The following PLEKHA2 variants were observed in gnomAD, a reference collection of about 807,000 sequenced individuals.
PLEKHA2 encodes pleckstrin homology domain-containing family A member 2.
A neutral mutation model predicts 53.2 loss-of-function variants in PLEKHA2; 28 were observed. That is an observed-to-expected ratio of 0.53 (90% CI 0.39 to 0.72). The LOEUF is 0.72. Among genes scored for constraint, PLEKHA2 ranks in the 30% least tolerant of loss-of-function variants. The pLI, the probability that PLEKHA2 is intolerant of heterozygous loss-of-function variation, is 0.00. For missense variants in PLEKHA2, 426 were observed against 537.9 expected (o/e 0.79, Z 2.06); for synonymous variants, 193 against 196.4 (o/e 0.98, Z 0.14).
At chr8:38,914,022 C>G (rs1289037155) in intron 1 of PLEKHA2, among the ~76,000 whole-genome samples, 2 of 152,182 alleles carry the variant, frequency 1.3e-5, no homozygotes, top group African/African-American at 4.8e-5. Context: ...TGCAACACAT[C>G]CTTTTCTGCT....
At chr8:38,904,187 G>T (rs765169170) in intron 1 of PLEKHA2, among the ~76,000 whole-genome samples, 8 of 152,158 alleles carry the variant, frequency 5.3e-5, no homozygotes, top group Non-Finnish European at 1.0e-4. Flanking sequence ...AGACCCTACT[G>T]TTCCTTCTGA....
intron 1 of PLEKHA2, 34 bp from the exon 2 acceptor site, chr8:38,917,873 T>C: frequency 6.3e-7 from 1 of 1,590,244 alleles, no homozygotes; most frequent in Non-Finnish European, 8.6e-7. Context: ...CTGCTTCATC[T>C]TCCTTCTCAT....
chr8:38,933,936 CG>C (rs1834444296), intron 2 of PLEKHA2, among the ~76,000 whole-genome samples: 2 of 151,908 alleles, frequency 1.3e-5, no homozygotes. Flanking sequence ...AAGGGAAGAA[CG>C]TGAGTGCAGA....
chr8:38,969,570 G>A lies in PLEKHA2; in HGVS notation c.1065G>A (p.Gln355=). ...CKAPSVASSW[Q]PWTPVPQAGE... ...CCCCCTCTGTGGCCTCCTCCTGGCA[G>A]CCCTGGACACCTGTCCCCCAGGCTG... Residue 355 remains glutamine (Q), a synonymous_variant, in exon 12 of 12, where the codon CAG becomes CAA. Coordinates refer to ENST00000617275, the MANE Select transcript of PLEKHA2 (RefSeq NM_021623.2). 2 of 1,611,342 alleles carry A rather than the reference G, an allele frequency of 1.2e-6. No individual in the cohort carries two copies. Among genetic ancestry groups the A allele is most frequent in the Admixed American group, 1.7e-5 (1 of 59,532 alleles).
chr8:38,903,311 A>C (rs1167859892), intron 1 of PLEKHA2, among the ~76,000 whole-genome samples: 1 of 152,196 alleles, frequency 6.6e-6, no homozygotes, highest in Non-Finnish European at 1.5e-5. Context: ...TGCTCATTTC[A>C]CAGATTGGTA....
intron 2 of PLEKHA2, among the ~76,000 whole-genome samples, chr8:38,919,058 C>T (rs1834133235): frequency 6.6e-6 from 1 of 152,176 alleles, no homozygotes; most frequent in Non-Finnish European, 1.5e-5. Context: ...TGACCTGGTT[C>T]CCTGAGCCGG....
chr8:38,951,703 A>C (rs922718986), intron 6 of PLEKHA2, among the ~76,000 whole-genome samples: 11 of 151,434 alleles, frequency 7.3e-5, no homozygotes, highest in Admixed American at 4.0e-4. Context: ...GGGTTTTGCC[A>C]TGTTGTTATT....
At chr8:38,955,553 T>C (rs1317761013) in intron 9 of PLEKHA2, among the ~76,000 whole-genome samples, 1 of 152,122 alleles carries the variant, frequency 6.6e-6, no homozygotes, top group Non-Finnish European at 1.5e-5. Flanking sequence ...CTCCCCAAGT[T>C]TTTACAACAT....
At position 38,952,294 on chromosome 8, in the gene PLEKHA2, C is replaced by T. The variant is rs760562087; in HGVS notation, c.615C>T (p.Cys205=). ...CTCCCCTCATTAAGAGTGGTTACTG[C>T]GTGAAGCAAGGGAATGTGGTGAGTG... The part of the protein sequence containing the change: ...TGPPLIKSGY[C]VKQGNVRKSW... Residue 205 remains cysteine, a synonymous_variant, in exon 7 of 12, where the codon TGC becomes TGT. Transcript: ENST00000617275. The T allele has an allele frequency of 4.5e-5, 72 of 1,612,548 alleles. No individual in the cohort carries two copies. The highest frequency in any genetic ancestry group is 5.3e-5 in the Non-Finnish European group (63 of 1,179,482).
Position 38,968,618 on chromosome 8 carries a change from C to A in PLEKHA2, c.864C>A (p.Ser288Arg). The stretch of plus-strand genomic sequence containing the variant: ...CAGACAGTCCAGAAGACATGCACAG[C>A]TGGATTAAGGAGATTGGCGCAGCTG... ...VQADSPEDMH[S>R]WIKEIGAAVQ... Residue 288 changes from serine (S) to arginine (R), a missense_variant, in exon 11 of 12, where the codon AGC becomes AGA. Transcript: ENST00000617275. The A allele has an allele frequency of 6.2e-7, 1 of 1,613,986 alleles. No homozygotes were observed. The highest frequency in any genetic ancestry group is 8.5e-7 in the Non-Finnish European group (1 of 1,179,870).
At chr8:38,967,494 C>T (rs1473458760) in intron 10 of PLEKHA2, among the ~76,000 whole-genome samples, 1 of 152,082 alleles carries the variant, frequency 6.6e-6, no homozygotes, top group African/African-American at 2.4e-5. Context: ...GTCCCTTTTC[C>T]CCACATCCTT....
Position 38,922,084 on chromosome 8 carries a change from G to T in PLEKHA2, c.141+4014G>T, listed in dbSNP as rs560956452. 6.6e-6 allele frequency among the ~76,000 whole-genome samples: 1 copy of T among 152,154 alleles called. No individual in the cohort carries two copies. Among genetic ancestry groups the T allele is most frequent in the Non-Finnish European group, 1.5e-5 (1 of 68,014 alleles). On this transcript the variant is annotated intron_variant, in intron 2 of 11. Coordinates refer to ENST00000617275, the MANE Select transcript of PLEKHA2 (RefSeq NM_021623.2). The surrounding 1 kb of genome is among the most constrained non-coding windows in gnomAD (Gnocchi z 4.0). ...AGGCTGACAGGGGAAGAATTTGCCC[G>T]TGGTTACATAATAAAAAAGTAGCAC...
At chr8:38,918,557 C>CAAACACCAGACACACATCATACAT in intron 2 of PLEKHA2, among the ~76,000 whole-genome samples, 1 of 143,200 alleles carries the variant, frequency 7.0e-6, no homozygotes, top group Non-Finnish European at 1.5e-5. Flanking sequence ...ACACCACACA[C>CAAACACCAGACACACATCATACAT]ACATTATACA....
At chr8:38,909,492 T>C (rs748050533) in intron 1 of PLEKHA2, among the ~76,000 whole-genome samples, 1 of 152,288 alleles carries the variant, frequency 6.6e-6, no homozygotes, top group Middle Eastern at 3.4e-3. Context: ...ATCTGGGCTA[T>C]GTGCTATTTT....
At chr8:38,952,903 C>CA (rs1834873314) in intron 8 of PLEKHA2, among the ~76,000 whole-genome samples, 199 bp downstream of exon 8, 1 of 152,156 alleles carries the variant, frequency 6.6e-6, no homozygotes, top group Non-Finnish European at 1.5e-5. Flanking sequence ...GCTGTGTGGT[C>CA]AGAGTCATAG....
At chr8:38,964,809 G>A (rs539229099) in intron 10 of PLEKHA2, among the ~76,000 whole-genome samples, 37 of 145,618 alleles carry the variant, frequency 2.5e-4, no homozygotes, top group African/African-American at 9.1e-4. Flanking sequence ...AGAATTTTGT[G>A]AGGTTTTAAA....
chr8:38,942,560 G>A (rs1161242162), intron 3 of PLEKHA2, among the ~76,000 whole-genome samples: 1 of 152,166 alleles, frequency 6.6e-6, no homozygotes, highest in Non-Finnish European at 1.5e-5. Context: ...GGAGAGAATG[G>A]TATTCAGGGG....
chr8:38,949,771 CTA>C (rs1281749936), intron 5 of PLEKHA2, among the ~76,000 whole-genome samples: 1 of 152,204 alleles, frequency 6.6e-6, no homozygotes, highest in Non-Finnish European at 1.5e-5. Flanking sequence ...TTAATATACT[CTA>C]TCATTTGATA....
rs147708646 is a variant in PLEKHA2 at position 38,940,894 on chromosome 8, T to TTATA, written c.199-2884_199-2881dup. ...ATCCCTTATTAAATATAATTGGCTATTATATATATATATAAAATATTTGAA... is the reference window on the plus strand; with the variant it reads ...ATCCCTTATTAAATATAATTGGCTATTATATATATATATATATAAAATATTTGAA... On this transcript the variant is annotated intron_variant, in intron 3 of 11. Transcript: ENST00000617275. 3.2e-3 allele frequency among the ~76,000 whole-genome samples: 400 copies of TTATA among 124,830 alleles called. 2 individuals carry two copies. The highest frequency in any genetic ancestry group is 8.8e-3 in the African/African-American group (334 of 38,168). 81.9% of individuals were successfully genotyped at this position (124,830 alleles called of 152,430 possible).
Sources: allele counts gnomAD v4.1 joint callset (sites outside exome capture counted in the v4.1 genomes callset), GRCh38; gene constraint gnomAD v4.1.1; non-coding constraint Gnocchi (gnomAD v3.1); transcripts MANE v1.5; gene names NCBI Gene and HGNC (gene_info 2026-07-23, HGNC 2026-07-21).